The following EHD1 variants were observed in gnomAD, a reference collection of about 807,000 sequenced individuals.
The protein encoded by EHD1 is EH domain-containing protein 1.
A neutral mutation model predicts 39.0 loss-of-function variants in EHD1; 19 were observed. The observed-to-expected ratio is 0.49, with a 90% CI of 0.34 to 0.72. The LOEUF is 0.72. Ranked by LOEUF, EHD1 falls within the 30% of genes least tolerant of loss-of-function variation. The probability of loss-of-function intolerance (pLI) is 0.01; values close to 1 mark genes in which losing one functional copy is unlikely to be tolerated. For missense variants in EHD1, 542 were observed against 751.5 expected (o/e 0.72, Z 3.26); for synonymous variants, 323 against 331.2 (o/e 0.98, Z 0.27).
At chr11:64,855,648 A>G in intron 3 of EHD1, 162 bp from the exon 4 acceptor site, 1 of 979,938 alleles carries the variant, frequency 1.0e-6, no homozygotes, top group Non-Finnish European at 1.5e-6. Context: ...CGGCTCCCAC[A>G]GTCCTAGGAG....
Position 64,854,577 on chromosome 11 carries a change from G to A in EHD1, c.1361C>T (p.Thr454Met), listed in dbSNP as rs757811551. 4.9e-5 allele frequency: 79 copies of A among 1,614,032 alleles called. No individual in the cohort carries two copies. Among genetic ancestry groups the A allele is most frequent in the Non-Finnish European group, 6.2e-5 (73 of 1,180,008 alleles). Residue 454 changes from threonine (T) to methionine (M), a missense_variant, in exon 5 of 5, where the codon ACG (threonine) becomes ATG (methionine). Physicochemically the swap from Thr to Met is moderately conservative, Grantham distance 81. Transcript: ENST00000320631. ...GATCTTGCCGTTGACAGGGGACAGC[G>A]TGTAGAAGATCTCGTCGTAGGTGGG... ...DKPTYDEIFY[T>M]LSPVNGKITG...
Position 64,865,298 on chromosome 11 carries a change from C to T in EHD1, c.503-4962G>A, listed in dbSNP as rs181060569. 1.6e-4 allele frequency among the ~76,000 whole-genome samples: 24 copies of T among 152,354 alleles called. No individual in the cohort carries two copies. In the East Asian group the frequency reaches 2.5e-3, roughly 16 times the overall value. ...GCACCTCACTCAGCCTAAAAGACGC[C>T]GGGTTTCAAGAGGTGCCAAAGGCTA... On this transcript the variant is annotated intron_variant, in intron 2 of 4. Transcript: ENST00000320631.
At chr11:64,867,154 C>A (rs1943776058) in intron 2 of EHD1, among the ~76,000 whole-genome samples, 1 of 152,190 alleles carries the variant, frequency 6.6e-6, no homozygotes, top group Non-Finnish European at 1.5e-5. Context: ...CGCAGTGGCT[C>A]ACACCTGTAA....
upstream of EHD1, chr11:64,879,692 G>T (rs919750707): frequency 5.2e-6 from 8 of 1,546,176 alleles, no homozygotes; most frequent in African/African-American, 1.4e-5. Flanking sequence ...GTCCAGGCTG[G>T]TGAGAATCTT....
rs1943913699 is a variant in EHD1, at chr11:64,878,491, C to A, written c.-27G>T. Reference sequence around the variant, plus strand: ...CTGCCGGACACGGGGCTGGCTGCTGCGGGGCAGAGCGGCGGCTGAGAGCGG... The same window carrying A: ...CTGCCGGACACGGGGCTGGCTGCTGAGGGGCAGAGCGGCGGCTGAGAGCGG... On this transcript the variant is annotated 5_prime_UTR_variant, in exon 1 of 5. Coordinates refer to ENST00000320631, the MANE Select transcript of EHD1 (RefSeq NM_006795.4). 3.8e-6 allele frequency: 6 copies of A among 1,567,246 alleles called. No homozygotes were observed. Among genetic ancestry groups the A allele is most frequent in the Non-Finnish European group, 4.3e-6 (5 of 1,158,756 alleles).
At chr11:64,873,563 T>A (rs1455262748) in intron 2 of EHD1, among the ~76,000 whole-genome samples, 1 of 152,162 alleles carries the variant, frequency 6.6e-6, no homozygotes, top group African/African-American at 2.4e-5. Flanking sequence ...GGTCTCACCA[T>A]GGCTGCTCCC....
In EHD1 at chr11:64,853,303, A is replaced by G. The variant is rs66955504; in HGVS notation, c.*1030T>C. ...TGTCTGGACATGAGAGCCTAGCCAGAACCACGGGCTTCCTCTTACCAGCAC... is the reference window on the plus strand; with the variant it reads ...TGTCTGGACATGAGAGCCTAGCCAGGACCACGGGCTTCCTCTTACCAGCAC... On this transcript the variant is annotated 3_prime_UTR_variant, in exon 5 of 5. Transcript: ENST00000320631. 1,908 of 152,412 alleles carry G rather than the reference A, an allele frequency of 0.013. 18 individuals carry two copies. Among genetic ancestry groups the G allele is most frequent in the Admixed American group, 0.02 (306 of 15,308 alleles). 9.4% of individuals were successfully genotyped at this position (152,412 alleles called of 1,614,324 possible). A position where few individuals can be genotyped will look rare whatever the true frequency, so the allele number is the denominator to read the frequency against.
Position 64,878,586 on chromosome 11 carries a change from G to C in EHD1, c.-122C>G. 1 of 1,440,018 alleles carries C rather than the reference G, an allele frequency of 6.9e-7. No homozygotes were observed. Among genetic ancestry groups the C allele is most frequent in the Non-Finnish European group, 9.1e-7 (1 of 1,102,490 alleles). 89.2% of individuals were successfully genotyped at this position (1,440,018 alleles called of 1,614,324 possible). The stretch of plus-strand genomic sequence containing the variant: ...CGGGAGCGACCCACACTGCGCAGGC[G>C]CACAGCCCAGCCCGTCGAAGCGCCC... On this transcript the variant is annotated 5_prime_UTR_variant, in exon 1 of 5. Coordinates refer to ENST00000320631, the MANE Select transcript of EHD1 (RefSeq NM_006795.4).
At chr11:64,860,377 C>T (rs938959498) in intron 2 of EHD1, 41 bp from the exon 3 acceptor site, 25 of 1,576,042 alleles carry the variant, frequency 1.6e-5, no homozygotes, top group Non-Finnish European at 2.1e-5. Flanking sequence ...CGCCAAGGGA[C>T]CTGCTGCTCT....
chr11:64,878,723 A>AGCCCCTCCCAGCCCC, upstream of EHD1: 2 of 1,327,048 alleles, frequency 1.5e-6, no homozygotes, highest in Non-Finnish European at 1.9e-6. Flanking sequence ...GGTAGGGAGG[A>AGCCCCTCCCAGCCCC]GCCCCTCCCA....
At chr11:64,879,678 G>T (rs1306831668), upstream of EHD1, 1 of 1,548,494 alleles carries the variant, frequency 6.5e-7, no homozygotes, top group East Asian at 2.4e-5. Flanking sequence ...AGACCCCTTT[G>T]GCTGTCCAGG....
intron 3 of EHD1, among the ~76,000 whole-genome samples, chr11:64,857,554 C>T (rs1943666974): frequency 6.6e-6 from 1 of 152,214 alleles, no homozygotes; most frequent in South Asian, 2.1e-4. Flanking sequence ...ATGAGAATTC[C>T]TCATCTACAG....
rs914186933 is a variant in EHD1, at chr11:64,852,252, G to A, written c.*2081C>T. 1 of 152,240 alleles carries A rather than the reference G, an allele frequency of 6.6e-6. No individual in the cohort carries two copies. Among genetic ancestry groups the A allele is most frequent in the African/African-American group, 2.4e-5 (1 of 41,432 alleles). The allele number at this position is 152,240 out of a possible 1,614,324, so 9.4% of individuals were successfully genotyped here. On this transcript the variant is annotated 3_prime_UTR_variant, in exon 5 of 5. Transcript: ENST00000320631. ...TGACTGGCCCCACCCTTAGTTGCAT[G>A]TTTGTCACAGGCTATCTGCTTTGTC...
At chr11:64,874,857 G>A (rs1943868754) in intron 1 of EHD1, among the ~76,000 whole-genome samples, 1 of 152,238 alleles carries the variant, frequency 6.6e-6, no homozygotes, top group East Asian at 1.9e-4. Flanking sequence ...AGGGGAAGCA[G>A]AAGGTCACGC....
chr11:64,870,669 G>C (rs1006906924), intron 2 of EHD1, among the ~76,000 whole-genome samples: 1 of 152,232 alleles, frequency 6.6e-6, no homozygotes, highest in Non-Finnish European at 1.5e-5. Context: ...GAACTGGCCG[G>C]GCTGCCCACA....
chr11:64,879,184 A>G (rs1592757891), upstream of EHD1: 1 of 1,045,488 alleles, frequency 9.6e-7, no homozygotes, highest in East Asian at 9.1e-5. Context: ...GAGACAGGAA[A>G]GTGGTAGCAG....
rs541475913 is a variant in EHD1, at chr11:64,869,840, C to T, written c.502+4581G>A. Among the ~76,000 whole-genome samples the T allele has an allele frequency of 9.2e-5, 14 of 152,328 alleles. No individual in the cohort carries two copies. In the East Asian group the frequency reaches 1.7e-3, roughly 19 times the overall value. Reference sequence around the variant, plus strand: ...CTCAGCCTGGGGGTGCTGCTGGCAGCGGCATCTCCATCTCAGGAGGTGTCG... The same window carrying T: ...CTCAGCCTGGGGGTGCTGCTGGCAGTGGCATCTCCATCTCAGGAGGTGTCG... On this transcript the variant is annotated intron_variant, in intron 2 of 4. Coordinates refer to ENST00000320631, the MANE Select transcript of EHD1 (RefSeq NM_006795.4).
intron 2 of EHD1, among the ~76,000 whole-genome samples, 164 bp from the exon 3 acceptor site, chr11:64,860,500 C>G (rs1010735901): frequency 2.0e-5 from 3 of 151,662 alleles, no homozygotes; most frequent in Admixed American, 6.6e-5. Flanking sequence ...TTTGGGAGGC[C>G]AAGGTGGGAG....
intron 2 of EHD1, among the ~76,000 whole-genome samples, chr11:64,863,990 C>A (rs1163333408): frequency 6.6e-6 from 1 of 152,252 alleles, no homozygotes; most frequent in Non-Finnish European, 1.5e-5. Context: ...GGCCAGCGGC[C>A]TGGACCCATC....
Sources: gnomAD v4.1 joint callset for allele counts (sites outside exome capture counted in the v4.1 genomes callset) on GRCh38, gnomAD v4.1.1 for gene constraint, MANE v1.5 for transcripts, NCBI Gene and HGNC (gene_info 2026-07-23, HGNC 2026-07-21) for gene names.